Variants in TLK1 observed in about 807,000 individuals in gnomAD.
The protein encoded by TLK1 is serine/threonine-protein kinase tousled-like 1.
A neutral mutation model predicts 105.3 loss-of-function variants in TLK1; 24 were observed. That is an observed-to-expected ratio of 0.23 (90% CI 0.17 to 0.32). TLK1 has a LOEUF of 0.32. TLK1 is among the 10% of genes least tolerant of loss of function. The pLI is 1.00. For synonymous variants in TLK1, 321 were observed against 310.4 expected, an observed-to-expected ratio of 1.03 and a Z score of -0.36; for missense variants, 558 against 910.5, an observed-to-expected ratio of 0.61 and a Z score of 4.98.
intron 1 of TLK1, among the ~76,000 whole-genome samples, chr2:171,169,209 ATTAT>A (rs1350087466): frequency 1.3e-5 from 2 of 152,198 alleles, no homozygotes; most frequent in East Asian, 1.9e-4. Flanking sequence ...TCTATTCAAC[ATTAT>A]TTATAGTAAC....
At chr2:171,166,762 G>C (rs561926453) in intron 1 of TLK1, among the ~76,000 whole-genome samples, 7 of 152,312 alleles carry the variant, frequency 4.6e-5, no homozygotes, top group Admixed American at 1.3e-4. Context: ...TGCACCAGGA[G>C]ATAAGAACAA....
At chr2:171,058,112 A>G in intron 5 of TLK1, 39 bp downstream of exon 5, 1 of 1,605,498 alleles carries the variant, frequency 6.2e-7, no homozygotes, top group Non-Finnish European at 8.5e-7. Flanking sequence ...GCAGAATAGT[A>G]CTGAATTAGG....
In TLK1 at chr2:170,992,079, T is replaced by C. The variant is rs1436778847; in HGVS notation, c.*1701A>G. ...TGTCTTGAAGTATACTTAAGGAATTTATTCAGCTGATTTTTAAGTGAAGGA... is the reference window on the plus strand; with the variant it reads ...TGTCTTGAAGTATACTTAAGGAATTCATTCAGCTGATTTTTAAGTGAAGGA... On this transcript the variant is annotated 3_prime_UTR_variant, in exon 21 of 21. Coordinates refer to ENST00000431350, the MANE Select transcript of TLK1 (RefSeq NM_012290.5). 1 of 152,166 alleles carries C rather than the reference T, an allele frequency of 6.6e-6. No individual in the cohort carries two copies. The highest frequency in any genetic ancestry group is 1.5e-5 in the Non-Finnish European group (1 of 67,998). The allele number at this position is 152,166 out of a possible 1,614,324, so 9.4% of individuals were successfully genotyped here. A position where few individuals can be genotyped will look rare whatever the true frequency, so the allele number is the denominator to read the frequency against.
intron 1 of TLK1, among the ~76,000 whole-genome samples, chr2:171,135,951 T>G (rs572127536): frequency 1.4e-4 from 21 of 152,160 alleles, no homozygotes; most frequent in Admixed American, 4.6e-4. Context: ...GTACTGTCAG[T>G]AGGAATGTAA....
At chr2:171,027,578 C>G (rs1263457559) in intron 12 of TLK1, among the ~76,000 whole-genome samples, 3 of 152,242 alleles carry the variant, frequency 2.0e-5, no homozygotes, top group South Asian at 2.1e-4. Context: ...ATCTTCTAAT[C>G]GAAACATCAC....
chr2:171,171,926 C>T (rs1223961851), intron 1 of TLK1, among the ~76,000 whole-genome samples: 1 of 152,028 alleles, frequency 6.6e-6, no homozygotes, highest in Admixed American at 6.6e-5. Context: ...AGGTATATAC[C>T]CAACAAAAAT....
intron 3 of TLK1, among the ~76,000 whole-genome samples, chr2:171,076,568 G>A (rs577112225): frequency 1.3e-5 from 2 of 152,090 alleles, no homozygotes; most frequent in East Asian, 3.9e-4. Flanking sequence ...GCTACAAGAA[G>A]AACTGCAAAT....
In TLK1 at chr2:170,993,770, T is replaced by G; in HGVS notation, c.*10A>C. On this transcript the variant is annotated 3_prime_UTR_variant, in exon 21 of 21. Coordinates refer to ENST00000431350, the MANE Select transcript of TLK1 (RefSeq NM_012290.5). ...AAATTCAAAGATATCATGCCAATCTTGGAGGAAAGTCAGTAAGTAATTATG... is the reference window on the plus strand; with the variant it reads ...AAATTCAAAGATATCATGCCAATCTGGGAGGAAAGTCAGTAAGTAATTATG... 6.4e-7 allele frequency: 1 copy of G among 1,550,834 alleles called. No individual in the cohort carries two copies. Among genetic ancestry groups the G allele is most frequent in the South Asian group, 1.3e-5 (1 of 79,002 alleles).
chr2:171,214,145 G>A (rs377756459), intron 1 of TLK1, among the ~76,000 whole-genome samples: 4 of 151,874 alleles, frequency 2.6e-5, no homozygotes, highest in Admixed American at 6.6e-5. Flanking sequence ...GCTCAAGGCT[G>A]CAGTGAGCTT....
At chr2:171,197,797 A>T (rs1342898248) in intron 1 of TLK1, among the ~76,000 whole-genome samples, 1 of 152,028 alleles carries the variant, frequency 6.6e-6, no homozygotes, top group Non-Finnish European at 1.5e-5. Context: ...AACCAAACAA[A>T]CAAAAAACAA....
rs1692415988 is a variant in TLK1, at chr2:171,160,216, G to GC, written c.139+73dup. ...GCGGAGAAGCCCCGGGGCGGGGGGG[G>GC]CGGGGGGGGGGCGCGGGGGTCCGCG... On this transcript the variant is annotated intron_variant, in intron 1 of 20. Transcript: ENST00000431350. This position sits in a 1 kb window ranked among gnomAD's most constrained non-coding sequence, Gnocchi z 4.4. 2 of 1,246,698 alleles carry GC rather than the reference G, an allele frequency of 1.6e-6. No individual in the cohort carries two copies. Among genetic ancestry groups the GC allele is most frequent in the South Asian group, 2.7e-5 (1 of 37,112 alleles). 77.2% of individuals were successfully genotyped at this position (1,246,698 alleles called of 1,614,324 possible).
At chr2:171,212,656 A>C (rs1427960375) in intron 1 of TLK1, among the ~76,000 whole-genome samples, 1 of 144,672 alleles carries the variant, frequency 6.9e-6, no homozygotes, top group Non-Finnish European at 1.5e-5. Flanking sequence ...TAATTTCTTA[A>C]CTGTAAAAAA....
At chr2:171,153,204 T>C (rs1692109515) in intron 1 of TLK1, among the ~76,000 whole-genome samples, 1 of 152,258 alleles carries the variant, frequency 6.6e-6, no homozygotes, top group Non-Finnish European at 1.5e-5. Flanking sequence ...CATCATGTAC[T>C]ACTCTAGGTC....
Position 171,131,381 on chromosome 2 carries a change from G to A in TLK1, c.140-13524C>T, listed in dbSNP as rs560503715. On this transcript the variant is annotated intron_variant, in intron 1 of 20. Transcript: ENST00000431350. ...CTGCCATTTTTGGACAGTATTTAGT[G>A]ATTCAAATAAATTGTGGGTCACATC... 1.4e-3 allele frequency among the ~76,000 whole-genome samples: 217 copies of A among 152,196 alleles called. 1 individual carries two copies. The highest frequency in any genetic ancestry group is 3.5e-3 in the Admixed American group (53 of 15,272).
intron 2 of TLK1, among the ~76,000 whole-genome samples, chr2:171,116,549 A>G (rs1225532750): frequency 3.9e-5 from 6 of 151,962 alleles, no homozygotes; most frequent in Non-Finnish European, 8.8e-5. Context: ...AAAATACAAA[A>G]ATTAGCCAGG....
chr2:171,185,019 T>C (rs1341246770), intron 1 of TLK1, among the ~76,000 whole-genome samples: 1 of 152,144 alleles, frequency 6.6e-6, no homozygotes, highest in Non-Finnish European at 1.5e-5. Flanking sequence ...TTTGCATTTT[T>C]TAGTAGAGAT....
chr2:171,024,814 T>C (rs151020669), intron 12 of TLK1, among the ~76,000 whole-genome samples: 2 of 152,292 alleles, frequency 1.3e-5, no homozygotes, highest in Admixed American at 6.5e-5. Context: ...AATATGTAAT[T>C]CCGTTAAAAT....
chr2:171,005,607 G>A (rs911226444), intron 18 of TLK1, among the ~76,000 whole-genome samples: 5 of 152,116 alleles, frequency 3.3e-5, no homozygotes, highest in South Asian at 2.1e-4. Flanking sequence ...ATAGTGGTGC[G>A]TACCTGTGGT....
chr2:171,014,794 T>C (rs533029492), intron 13 of TLK1, 57 bp downstream of exon 13: 3 of 1,247,152 alleles, frequency 2.4e-6, no homozygotes, highest in East Asian at 2.3e-5. Flanking sequence ...TTATGCTCTA[T>C]GGGGGGCGGG....
Sources: allele counts gnomAD v4.1 joint callset (sites outside exome capture counted in the v4.1 genomes callset), GRCh38; gene constraint gnomAD v4.1.1; non-coding constraint Gnocchi (gnomAD v3.1); transcripts MANE v1.5; gene names NCBI Gene and HGNC (gene_info 2026-07-23, HGNC 2026-07-21).